Variants in NKAIN3 observed in about 807,000 individuals in gnomAD.
The protein encoded by NKAIN3 is sodium/potassium transporting ATPase interacting 3, also known as sodium/potassium-transporting ATPase subunit beta-1-interacting protein 3.
A neutral mutation model predicts 30.2 loss-of-function variants in NKAIN3; 25 were observed. That is an observed-to-expected ratio of 0.83 (90% confidence interval 0.60 to 1.16). NKAIN3 has a LOEUF of 1.16. NKAIN3 is among the 50% of genes most tolerant of loss of function. The pLI, the probability that NKAIN3 is intolerant of heterozygous loss-of-function variation, is 0.00. For synonymous variants in NKAIN3, 91 were observed against 89.6 expected, an observed-to-expected ratio of 1.02 and a Z score of -0.09; for missense variants, 225 against 254.1, an observed-to-expected ratio of 0.89 and a Z score of 0.78.
intron 1 of NKAIN3, among the ~76,000 whole-genome samples, chr8:62,468,593 ATTG>A (rs1806231463): frequency 6.6e-6 from 1 of 152,210 alleles, no homozygotes; most frequent in Non-Finnish European, 1.5e-5. Context: ...AAGTTTCTTC[ATTG>A]TTGTTCTACA....
Position 62,975,169 on chromosome 8 carries a change from G to T in NKAIN3, c.*9762G>T, listed in dbSNP as rs1461094784. 6.6e-6 allele frequency among the ~76,000 whole-genome samples: 1 copy of T among 152,116 alleles called. No homozygotes were observed. The highest frequency in any genetic ancestry group is 1.5e-5 in the Non-Finnish European group (1 of 68,028). On this transcript the variant is annotated 3_prime_UTR_variant, in exon 7 of 7. Coordinates refer to ENST00000623646, the MANE Select transcript of NKAIN3 (RefSeq NM_001304533.3). The stretch of plus-strand genomic sequence containing the variant: ...TGGGATTGGTATCAGAATGATGCTG[G>T]CCTCAAAATATGAGTTAGGGAGGAG...
At chr8:62,759,978 T>TG (rs767177674) in intron 4 of NKAIN3, among the ~76,000 whole-genome samples, 25 of 152,190 alleles carry the variant, frequency 1.6e-4, no homozygotes, top group Middle Eastern at 3.4e-3. Context: ...TATGAACAGA[T>TG]ACTTCTCAAA....
intron 3 of NKAIN3, among the ~76,000 whole-genome samples, chr8:62,655,167 G>A (rs1328126912): frequency 6.6e-6 from 1 of 152,166 alleles, no homozygotes; most frequent in African/African-American, 2.4e-5. Context: ...GGGTGTGGAG[G>A]AGACCAAGAT....
intron 1 of NKAIN3, among the ~76,000 whole-genome samples, chr8:62,459,187 C>T (rs1203525353): frequency 1.3e-5 from 2 of 152,074 alleles, no homozygotes; most frequent in Non-Finnish European, 2.9e-5. Flanking sequence ...TAGATCAGGG[C>T]CTCTGCTAAT....
chr8:62,639,412 C>A (rs547053544), intron 3 of NKAIN3, among the ~76,000 whole-genome samples: 2 of 152,188 alleles, frequency 1.3e-5, no homozygotes, highest in East Asian at 3.9e-4. Context: ...GAATGAAACT[C>A]ACAGGGTTTG....
chr8:62,884,605 G>A (rs1024771713), intron 4 of NKAIN3, among the ~76,000 whole-genome samples: 1 of 152,190 alleles, frequency 6.6e-6, no homozygotes, highest in African/African-American at 2.4e-5. Context: ...GGATTCACCA[G>A]TGAACCCATT....
intron 4 of NKAIN3, among the ~76,000 whole-genome samples, chr8:62,897,232 T>C (rs1245504471): frequency 6.6e-6 from 1 of 152,200 alleles, no homozygotes; most frequent in African/African-American, 2.4e-5. Context: ...CAGGTGTGTC[T>C]GCACATTGGT....
downstream of NKAIN3, among the ~76,000 whole-genome samples, chr8:62,986,872 A>G (rs1411934745): frequency 6.6e-6 from 1 of 152,216 alleles, no homozygotes; most frequent in Non-Finnish European, 1.5e-5. Context: ...ATCTTGGTAT[A>G]TAAACTCATC....
At chr8:62,691,867 T>G (rs998404129) in intron 3 of NKAIN3, among the ~76,000 whole-genome samples, 2 of 152,198 alleles carry the variant, frequency 1.3e-5, no homozygotes, top group East Asian at 3.8e-4. Flanking sequence ...ATAATAGCCA[T>G]TATTATTGCT....
At chr8:62,795,774 C>A (rs975613691) in intron 4 of NKAIN3, among the ~76,000 whole-genome samples, 3 of 152,096 alleles carry the variant, frequency 2.0e-5, no homozygotes, top group African/African-American at 4.8e-5. Flanking sequence ...CCTGAAGGAT[C>A]CTTAGGCCCA....
In NKAIN3 at chr8:62,996,830, C is replaced by T. The variant is rs544907055; in HGVS notation, c.533-2401C>T. Among the ~76,000 whole-genome samples the T allele has an allele frequency of 7.2e-5, 11 of 152,318 alleles. No homozygotes were observed. The East Asian group carries it at 9.7e-4, about 13-fold the overall frequency. Reference sequence around the variant, plus strand: ...CCTTTGACTCCATGTCTCACACCCACGGTACGCTGATGCAAAGGGTGGGCT... The same window carrying T: ...CCTTTGACTCCATGTCTCACACCCATGGTACGCTGATGCAAAGGGTGGGCT... On this transcript the variant is annotated intron_variant, in intron 5 of 5. Transcript: ENST00000519049.
At chr8:62,440,686 TTTC>T (rs1307302090) in intron 1 of NKAIN3, among the ~76,000 whole-genome samples, 36 of 145,876 alleles carry the variant, frequency 2.5e-4, no homozygotes, top group Admixed American at 2.9e-4. Context: ...CTTCCTTCTT[TTTC>T]TTCTTCTTCT....
intron 1 of NKAIN3, among the ~76,000 whole-genome samples, chr8:62,278,704 G>A (rs1813054067): frequency 6.6e-6 from 1 of 152,096 alleles, no homozygotes; most frequent in Non-Finnish European, 1.5e-5. Flanking sequence ...TAAAGGACAT[G>A]AACTCATCCT....
At chr8:62,281,440 C>T (rs553839526) in intron 1 of NKAIN3, among the ~76,000 whole-genome samples, 2 of 152,144 alleles carry the variant, frequency 1.3e-5, no homozygotes, top group South Asian at 4.1e-4. Flanking sequence ...TTTGCTCTTG[C>T]TTCTCTAGTT....
intron 3 of NKAIN3, among the ~76,000 whole-genome samples, chr8:62,733,495 G>C (rs1008028176): frequency 6.6e-6 from 1 of 152,106 alleles, no homozygotes; most frequent in African/African-American, 2.4e-5. Context: ...TTCCATTGTT[G>C]CTGTTGACAA....
At chr8:62,383,026 G>A (rs1288052801) in intron 1 of NKAIN3, among the ~76,000 whole-genome samples, 1 of 152,098 alleles carries the variant, frequency 6.6e-6, no homozygotes, top group African/African-American at 2.4e-5. Flanking sequence ...TGTTTAATGA[G>A]CCTCAAAGGT....
At chr8:62,450,785 C>A (rs1447947941) in intron 1 of NKAIN3, among the ~76,000 whole-genome samples, 6 of 152,122 alleles carry the variant, frequency 3.9e-5, no homozygotes, top group African/African-American at 1.4e-4. Context: ...GAAACTGGAT[C>A]CCTGCAGAAG....
At chr8:62,855,462 CA>C in intron 4 of NKAIN3, 2 of 1,317,594 alleles carry the variant, frequency 1.5e-6, no homozygotes, top group Non-Finnish European at 2.2e-6. Flanking sequence ...CTTTTGCTTC[CA>C]AAATCTTCAT....
At chr8:62,590,644 A>G (rs1185669070) in intron 3 of NKAIN3, among the ~76,000 whole-genome samples, 2 of 151,888 alleles carry the variant, frequency 1.3e-5, no homozygotes, top group Non-Finnish European at 2.9e-5. Context: ...TTTTCTAAGT[A>G]ATGCACCTGT....
Sources: gnomAD v4.1 joint callset for allele counts (sites outside exome capture counted in the v4.1 genomes callset) on GRCh38, gnomAD v4.1.1 for gene constraint, MANE v1.5 for transcripts, NCBI Gene and HGNC (gene_info 2026-07-23, HGNC 2026-07-21) for gene names.